MECOM: variants seen among roughly 807,000 people sequenced by gnomAD.
MECOM encodes histone-lysine N-methyltransferase MECOM.
In MECOM, 13 loss-of-function variants were observed where a neutral mutation model predicts 116.3. The observed-to-expected ratio is 0.11, with a 90% confidence interval of 0.07 to 0.18. The LOEUF (loss-of-function observed/expected upper bound fraction) is 0.18, where lower values mean the gene tolerates loss of function less well. MECOM is among the 10% of genes least tolerant of loss of function. The pLI is 1.00. For synonymous variants in MECOM, 528 were observed against 535.2 expected (o/e 0.99, Z 0.19); for missense variants, 1,299 against 1,509.0 (o/e 0.86, Z 2.31).
At chr3:169,388,582 G>T (rs9816520) in intron 1 of MECOM, among the ~76,000 whole-genome samples, 1 of 152,200 alleles carries the variant, frequency 6.6e-6, no homozygotes, top group Non-Finnish European at 1.5e-5. Context: ...AAGGACTGTA[G>T]CAAGGGTGCA....
chr3:169,386,605 A>G (rs1273217599), intron 1 of MECOM, among the ~76,000 whole-genome samples: 3 of 152,182 alleles, frequency 2.0e-5, no homozygotes, highest in Non-Finnish European at 4.4e-5. Context: ...ATAATATTCC[A>G]TTATAGGAAT....
intron 1 of MECOM, among the ~76,000 whole-genome samples, chr3:169,604,390 C>G (rs971156578): frequency 1.3e-5 from 2 of 152,278 alleles, no homozygotes; most frequent in South Asian, 4.1e-4. Flanking sequence ...ATTTCACAGA[C>G]GAGAAACCTG....
At chr3:169,644,403 C>A (rs912423879) in intron 1 of MECOM, among the ~76,000 whole-genome samples, 1 of 152,048 alleles carries the variant, frequency 6.6e-6, no homozygotes, top group Admixed American at 6.6e-5. Context: ...ATTACAGGCA[C>A]ATGACACCAC....
At chr3:169,163,352 A>C (rs1288391532) in intron 2 of MECOM, among the ~76,000 whole-genome samples, 2 of 152,176 alleles carry the variant, frequency 1.3e-5, no homozygotes, top group Admixed American at 6.6e-5. Flanking sequence ...CTCCACTGGC[A>C]ACAATGTGGC....
At chr3:169,453,892 G>A in intron 1 of MECOM, among the ~76,000 whole-genome samples, 1 of 151,968 alleles carries the variant, frequency 6.6e-6, no homozygotes, top group East Asian at 1.9e-4. Context: ...AGAGCCTGAT[G>A]GTAAATAAGG....
intron 2 of MECOM, among the ~76,000 whole-genome samples, chr3:169,249,102 G>A (rs1372275966): frequency 1.3e-5 from 2 of 152,094 alleles, no homozygotes; most frequent in East Asian, 1.9e-4. Flanking sequence ...CCACAAAACC[G>A]ATTTCTTAGG....
intron 1 of MECOM, among the ~76,000 whole-genome samples, chr3:169,603,781 C>T (rs1454317258): frequency 6.6e-6 from 1 of 152,162 alleles, no homozygotes; most frequent in African/African-American, 2.4e-5. Flanking sequence ...TAAGTACACT[C>T]AATGATGTAC....
At chr3:169,454,194 G>A (rs751698987) in intron 1 of MECOM, among the ~76,000 whole-genome samples, 2 of 152,108 alleles carry the variant, frequency 1.3e-5, no homozygotes, top group African/African-American at 2.4e-5. Context: ...AGTGCCAAGC[G>A]AGTAATTTGT....
At chr3:169,537,621 G>C (rs1759547655) in intron 1 of MECOM, among the ~76,000 whole-genome samples, 1 of 151,822 alleles carries the variant, frequency 6.6e-6, no homozygotes, top group Non-Finnish European at 1.5e-5. Flanking sequence ...AATTTTAACG[G>C]TCATCCCCTT....
In MECOM at chr3:169,115,811, T is replaced by G. The variant is rs986048233; in HGVS notation, c.2061A>C (p.Gly687=). Residue 687 remains glycine, a synonymous_variant, in exon 8 of 17, where the codon GGA becomes GGC. Coordinates refer to ENST00000651503, the MANE Select transcript of MECOM (RefSeq NM_004991.4). ...GAAACATGGAAGGGTAAGGTAAAGCTCCAACTTTTTTGTCTTGCAGCCCCA... is the reference window on the plus strand; with the variant it reads ...GAAACATGGAAGGGTAAGGTAAAGCGCCAACTTTTTTGTCTTGCAGCCCCA... ...GLVGLQDKKV[G]ALPYPSMFPL... is the part of the protein sequence containing the mutation. The G allele has an allele frequency of 1.2e-6, 2 of 1,613,930 alleles. No homozygotes were observed. The highest frequency in any genetic ancestry group is 1.7e-5 in the Admixed American group (1 of 59,990).
At chr3:169,478,755 T>A (rs1281448249) in intron 1 of MECOM, among the ~76,000 whole-genome samples, 1 of 152,218 alleles carries the variant, frequency 6.6e-6, no homozygotes, top group African/African-American at 2.4e-5. Context: ...TAAACCAGCT[T>A]CCTTTGTGAA....
chr3:169,135,300 T>C (rs1425331794), intron 3 of MECOM, among the ~76,000 whole-genome samples: 1 of 152,082 alleles, frequency 6.6e-6, no homozygotes, highest in Non-Finnish European at 1.5e-5. Flanking sequence ...AAAAATATCC[T>C]GGATCTGAAA....
intron 1 of MECOM, among the ~76,000 whole-genome samples, chr3:169,533,774 C>T (rs1196567690): frequency 6.6e-6 from 1 of 151,978 alleles, no homozygotes; most frequent in African/African-American, 2.4e-5. Flanking sequence ...CCTTTCCAAC[C>T]TGGATAGGTT....
intron 1 of MECOM, among the ~76,000 whole-genome samples, chr3:169,499,089 T>C (rs574949195): frequency 3.7e-4 from 56 of 151,984 alleles, no homozygotes; most frequent in African/African-American, 1.2e-3. Flanking sequence ...TAAAACTATA[T>C]ACATATGAGT....
At chr3:169,404,872 C>T (rs532680861) in intron 1 of MECOM, among the ~76,000 whole-genome samples, 1 of 152,314 alleles carries the variant, frequency 6.6e-6, no homozygotes, top group South Asian at 2.1e-4. Context: ...CAAAAGCCTC[C>T]AAGGAAACCT....
chr3:169,263,119 ATATATATATG>A (rs1757790059), intron 2 of MECOM, among the ~76,000 whole-genome samples: 2 of 31,348 alleles, frequency 6.4e-5, no homozygotes, highest in East Asian at 1.3e-3. Context: ...ATATATATAT[ATATATATATG>A]TTTTTTTTTT....
chr3:169,347,179 T>C (rs569382805), intron 2 of MECOM, among the ~76,000 whole-genome samples: 9 of 152,030 alleles, frequency 5.9e-5, no homozygotes, highest in South Asian at 2.1e-4. Context: ...TGCTTCTACA[T>C]GCATATCATA....
intron 1 of MECOM, among the ~76,000 whole-genome samples, chr3:169,397,011 CTCTTGAGCATCTTTTG>C (rs1389503361): frequency 7.2e-5 from 11 of 152,150 alleles, no homozygotes; most frequent in African/African-American, 2.4e-4. Context: ...ATAAATGATG[CTCTTGAGCATCTTTTG>C]TAAGCTTTAG....
At chr3:169,578,503 A>T (rs749216537) in intron 1 of MECOM, among the ~76,000 whole-genome samples, 1 of 152,212 alleles carries the variant, frequency 6.6e-6, no homozygotes, top group Non-Finnish European at 1.5e-5. Context: ...GCTTGTACAC[A>T]TAAACTCAAG....
Sources: gnomAD v4.1 joint callset for allele counts (sites outside exome capture counted in the v4.1 genomes callset) on GRCh38, gnomAD v4.1.1 for gene constraint, MANE v1.5 for transcripts, NCBI Gene and HGNC (gene_info 2026-07-23, HGNC 2026-07-21) for gene names.